GPC6: variants seen among roughly 807,000 people sequenced by gnomAD.
The protein encoded by GPC6 is glypican 6.
GPC6 carries 14 observed loss-of-function variants against 55.2 expected under a neutral mutation model. The ratio of observed to expected loss-of-function variants is 0.25; its 90% confidence interval spans 0.17 to 0.40. The LOEUF (loss-of-function observed/expected upper bound fraction) is 0.40, where lower values mean the gene tolerates loss of function less well. Among genes scored for constraint, GPC6 ranks in the 10% least tolerant of loss-of-function variants. The pLI is 1.00. For synonymous variants in GPC6, 278 were observed against 259.6 expected (o/e 1.07, Z -0.68); for missense variants, 641 against 708.5 (o/e 0.90, Z 1.08).
intron 3 of GPC6, among the ~76,000 whole-genome samples, chr13:93,922,489 C>A (rs1241960632): frequency 2.0e-5 from 3 of 152,170 alleles, no homozygotes; most frequent in South Asian, 4.2e-4. Flanking sequence ...GCACTGTTGT[C>A]ATTTTGGGGG....
At chr13:93,465,649 A>T (rs1878877208) in intron 1 of GPC6, among the ~76,000 whole-genome samples, 1 of 152,180 alleles carries the variant, frequency 6.6e-6, no homozygotes, top group Admixed American at 6.5e-5. Flanking sequence ...GAGCACTAAT[A>T]GTTCCTCCAT....
intron 4 of GPC6, among the ~76,000 whole-genome samples, chr13:94,193,385 C>G (rs1889463123): frequency 6.6e-6 from 1 of 152,084 alleles, no homozygotes; most frequent in African/African-American, 2.4e-5. Flanking sequence ...TCAAATGCCG[C>G]TAATGTAATG....
At chr13:94,140,222 A>T (rs781530137) in intron 4 of GPC6, among the ~76,000 whole-genome samples, 1 of 152,184 alleles carries the variant, frequency 6.6e-6, no homozygotes. Flanking sequence ...TATTTACATA[A>T]CATAAGATGT....
intron 1 of GPC6, among the ~76,000 whole-genome samples, chr13:93,487,824 T>C (rs2139350570): frequency 6.6e-6 from 1 of 152,342 alleles, no homozygotes; most frequent in East Asian, 1.9e-4. Flanking sequence ...AAATTAAAAT[T>C]GTTTTGAATC....
At chr13:94,178,355 A>G (rs1888864284) in intron 4 of GPC6, among the ~76,000 whole-genome samples, 1 of 152,220 alleles carries the variant, frequency 6.6e-6, no homozygotes, top group Admixed American at 6.5e-5. Flanking sequence ...CTATAGAGGC[A>G]TAATAATATA....
At chr13:94,284,795 G>A (rs888293135) in intron 4 of GPC6, among the ~76,000 whole-genome samples, 2 of 151,128 alleles carry the variant, frequency 1.3e-5, no homozygotes, top group African/African-American at 4.9e-5. Flanking sequence ...TTTATCAACA[G>A]GTATTTTGAT....
chr13:93,762,627 G>C (rs1330338988), intron 2 of GPC6, among the ~76,000 whole-genome samples: 1 of 152,148 alleles, frequency 6.6e-6, no homozygotes, highest in East Asian at 1.9e-4. Context: ...AAAATAAAAG[G>C]TTATGCTTGA....
chr13:93,461,787 T>A (rs1878702007), intron 1 of GPC6, among the ~76,000 whole-genome samples: 2 of 152,200 alleles, frequency 1.3e-5, no homozygotes, highest in African/African-American at 4.8e-5. Flanking sequence ...ATGCTGATTT[T>A]AAAAAATCAT....
At chr13:94,027,685 C>G in intron 3 of GPC6, 44 bp from the exon 4 acceptor site, 2 of 1,577,772 alleles carry the variant, frequency 1.3e-6, no homozygotes. Context: ...TCCTCTTTAT[C>G]CTTCTTATTT....
rs1875543254 is a variant in GPC6, at chr13:93,389,682, C to T, written c.161-155581C>T. Reference sequence around the variant, plus strand: ...ATATGTACACGTTTATATATGTATACACAAACACACAGGTAGTTTACTATA... The same window carrying T: ...ATATGTACACGTTTATATATGTATATACAAACACACAGGTAGTTTACTATA... On this transcript the variant is annotated intron_variant, in intron 1 of 8. Coordinates refer to ENST00000377047, the MANE Select transcript of GPC6 (RefSeq NM_005708.5). Among the ~76,000 whole-genome samples, 7 of 150,692 alleles carry T rather than the reference C, an allele frequency of 4.6e-5. 1 individual carries two copies. The South Asian group carries it at 1.6e-3, about 34-fold the overall frequency.
chr13:93,852,280 GCC>G (rs1888433600), intron 3 of GPC6, among the ~76,000 whole-genome samples: 3 of 151,662 alleles, frequency 2.0e-5, no homozygotes, highest in Non-Finnish European at 4.4e-5. Flanking sequence ...TATGCACAAT[GCC>G]TTTTGGAAAC....
At chr13:93,986,075 C>T (rs1472709869) in intron 3 of GPC6, among the ~76,000 whole-genome samples, 2 of 151,968 alleles carry the variant, frequency 1.3e-5, no homozygotes, top group Non-Finnish European at 2.9e-5. Flanking sequence ...ATGAATTGAT[C>T]CATTACTCAA....
intron 7 of GPC6, among the ~76,000 whole-genome samples, chr13:94,394,324 GTCC>G (rs1313919254): frequency 6.6e-6 from 1 of 152,202 alleles, no homozygotes; most frequent in Admixed American, 6.5e-5. Flanking sequence ...TCTCCAGGTT[GTCC>G]TCACTTCTGG....
At chr13:93,295,456 GTC>G (rs1878461919) in intron 1 of GPC6, among the ~76,000 whole-genome samples, 1 of 151,950 alleles carries the variant, frequency 6.6e-6, no homozygotes, top group Non-Finnish European at 1.5e-5. Context: ...TTCTCTGTCT[GTC>G]TCTGTGGTTT....
chr13:94,054,422 G>A (rs528756684), intron 4 of GPC6, among the ~76,000 whole-genome samples: 1 of 152,302 alleles, frequency 6.6e-6, no homozygotes, highest in South Asian at 2.1e-4. Context: ...GTGCTCCGCT[G>A]CCAGGGTTTC....
chr13:94,055,275 T>TA (rs1884092276), intron 4 of GPC6, among the ~76,000 whole-genome samples: 1 of 152,164 alleles, frequency 6.6e-6, no homozygotes, highest in Non-Finnish European at 1.5e-5. Context: ...AAATGTATGT[T>TA]ACAATTCTAC....
intron 3 of GPC6, among the ~76,000 whole-genome samples, chr13:93,854,406 G>A (rs1414232518): frequency 6.6e-6 from 1 of 151,524 alleles, no homozygotes; most frequent in African/African-American, 2.4e-5. Context: ...AAATGCTAGG[G>A]TATTTTTCCC....
At chr13:94,147,885 C>T (rs1308932981) in intron 4 of GPC6, among the ~76,000 whole-genome samples, 1 of 152,036 alleles carries the variant, frequency 6.6e-6, no homozygotes, top group African/African-American at 2.4e-5. Context: ...AAAAGTGGAC[C>T]CATGAAACCT....
In GPC6 at chr13:93,471,880, A is replaced by C. The variant is rs546498583; in HGVS notation, c.161-73383A>C. Among the ~76,000 whole-genome samples, 14 of 152,268 alleles carry C rather than the reference A, an allele frequency of 9.2e-5. No homozygotes were observed. In the East Asian group the frequency reaches 2.7e-3, roughly 29 times the overall value. On this transcript the variant is annotated intron_variant, in intron 1 of 8. Coordinates refer to ENST00000377047, the MANE Select transcript of GPC6 (RefSeq NM_005708.5). ...TTGGGCAGAGTAACCTATAAATGTCAATTAGATTCAGTTGACTTATGGAAA... is the reference window on the plus strand; with the variant it reads ...TTGGGCAGAGTAACCTATAAATGTCCATTAGATTCAGTTGACTTATGGAAA...
Sources: allele counts gnomAD v4.1 joint callset (sites outside exome capture counted in the v4.1 genomes callset), GRCh38; gene constraint gnomAD v4.1.1; transcripts MANE v1.5; gene names NCBI Gene and HGNC (gene_info 2026-07-23, HGNC 2026-07-21).